Variants in SUDS3 observed in about 807,000 individuals in gnomAD.
SUDS3 encodes the protein sin3 histone deacetylase corepressor complex component SDS3.
A neutral mutation model predicts 53.5 loss-of-function variants in SUDS3; 23 were observed. The observed-to-expected ratio is 0.43, with a 90% CI of 0.31 to 0.61. The LOEUF is 0.61. Ranked by LOEUF, SUDS3 falls within the 20% of genes least tolerant of loss-of-function variation. The probability of loss-of-function intolerance (pLI) is 0.10; values close to 1 mark genes in which losing one functional copy is unlikely to be tolerated. For missense variants in SUDS3, 291 were observed against 405.9 expected (o/e 0.72, Z 2.43); for synonymous variants, 150 against 148.5 (o/e 1.01, Z -0.08).
In SUDS3 at chr12:118,389,803, T is replaced by C. The variant is rs1030337575; in HGVS notation, c.341-124T>C. ...TTCGTGTATATCAACATTTCACTGA[T>C]GAAAACATTTGCTTTGTAACATGCT... On this transcript the variant is annotated intron_variant, in intron 4 of 11. Coordinates refer to ENST00000543473, the MANE Select transcript of SUDS3 (RefSeq NM_022491.3). 2.5e-6 allele frequency: 3 copies of C among 1,178,854 alleles called. No individual in the cohort carries two copies. The African/African-American group carries it at 4.5e-5, about 18-fold the overall frequency. The allele number at this position is 1,178,854 out of a possible 1,614,324, so 73.0% of individuals were successfully genotyped here. A position where few individuals can be genotyped will look rare whatever the true frequency, so the allele number is the denominator to read the frequency against.
rs1168352037 is a variant in SUDS3, at chr12:118,403,438, C to T, written c.724C>T (p.Pro242Ser). 1 of 1,613,642 alleles carries T rather than the reference C, an allele frequency of 6.2e-7. No individual in the cohort carries two copies. The highest frequency in any genetic ancestry group is 1.3e-5 in the African/African-American group (1 of 75,018). Residue 242 changes from proline to serine, a missense_variant, in exon 10 of 12, where the codon CCT becomes TCT. Physicochemically the swap from Pro to Ser is moderately conservative, Grantham distance 74. This residue lies in a region of SUDS3 where 77 missense variants were observed against 87.1 expected (regional missense o/e 0.88). Transcript: ENST00000543473. ...ATCTCCATCCTCTCCTGAGCACTTGCCTGCAACACCCGCGGAATCTCCAGC... is the reference window on the plus strand; with the variant it reads ...ATCTCCATCCTCTCCTGAGCACTTGTCTGCAACACCCGCGGAATCTCCAGC... ...PASPSSPEHL[P>S]ATPAESPAQR...
chr12:118,400,084 G>A (rs766045741), intron 6 of SUDS3, among the ~76,000 whole-genome samples: 31 of 152,002 alleles, frequency 2.0e-4, no homozygotes, highest in Admixed American at 5.9e-4. Flanking sequence ...GAAGAAGAAG[G>A]GAAAGAGGCT....
chr12:118,403,298 G>C (rs768403290), intron 9 of SUDS3, 114 bp from the exon 10 acceptor site: 16 of 804,212 alleles, frequency 2.0e-5, no homozygotes, highest in Non-Finnish European at 3.1e-5. Flanking sequence ...TCACTGTAAG[G>C]GCTCAGTGAT....
At chr12:118,397,560 C>G (rs2046227142) in intron 6 of SUDS3, among the ~76,000 whole-genome samples, 1 of 152,148 alleles carries the variant, frequency 6.6e-6, no homozygotes, top group East Asian at 1.9e-4. Flanking sequence ...TGTTTTCCAC[C>G]TGGGCTATTG....
intron 6 of SUDS3, among the ~76,000 whole-genome samples, chr12:118,394,770 C>T (rs1349894010): frequency 6.6e-6 from 1 of 152,128 alleles, no homozygotes; most frequent in Non-Finnish European, 1.5e-5. Flanking sequence ...CACTGCAGCT[C>T]GACTTCCCAG....
intron 6 of SUDS3, 89 bp downstream of exon 6, chr12:118,391,371 G>A: frequency 1.4e-6 from 2 of 1,452,166 alleles, no homozygotes; most frequent in East Asian, 4.6e-5. Context: ...TACATTTCAA[G>A]AGCAGAGCAA....
intron 6 of SUDS3, among the ~76,000 whole-genome samples, chr12:118,397,060 T>C (rs917345446): frequency 6.6e-6 from 1 of 152,180 alleles, no homozygotes; most frequent in African/African-American, 2.4e-5. Context: ...CAAGTCTGCT[T>C]TAAGTGCTTG....
intron 2 of SUDS3, among the ~76,000 whole-genome samples, chr12:118,382,683 T>A (rs1233828764): frequency 1.4e-5 from 2 of 144,904 alleles, no homozygotes; most frequent in Non-Finnish European, 3.0e-5. Context: ...TTTTTTTTTT[T>A]AAGAGACAGG....
intron 2 of SUDS3, 117 bp from the exon 3 acceptor site, chr12:118,383,894 TC>T: frequency 1.2e-6 from 1 of 854,472 alleles, no homozygotes; most frequent in East Asian, 2.7e-5. Context: ...TTTCCTCTCT[TC>T]CCTGAAGGAC....
chr12:118,410,134 G>C (rs1172978897), intron 10 of SUDS3, among the ~76,000 whole-genome samples: 1 of 152,232 alleles, frequency 6.6e-6, no homozygotes, highest in African/African-American at 2.4e-5. Flanking sequence ...GAATCTCTGT[G>C]ATAGTGGAGA....
intron 4 of SUDS3, among the ~76,000 whole-genome samples, chr12:118,388,673 C>T (rs549089125): frequency 6.6e-6 from 1 of 152,222 alleles, no homozygotes; most frequent in South Asian, 2.1e-4. Context: ...CAGGAGGGGG[C>T]TGCATTCAGT....
chr12:118,383,849 T>C (rs1317299564), intron 2 of SUDS3, among the ~76,000 whole-genome samples, 163 bp from the exon 3 acceptor site: 1 of 152,254 alleles, frequency 6.6e-6, no homozygotes, highest in Non-Finnish European at 1.5e-5. Context: ...TCCCTGTGGC[T>C]GCTGGTGCAT....
At chr12:118,387,508 G>T (rs2046125575) in intron 4 of SUDS3, among the ~76,000 whole-genome samples, 2 of 151,966 alleles carry the variant, frequency 1.3e-5, no homozygotes, top group Non-Finnish European at 2.9e-5. Flanking sequence ...TGAGTATTGA[G>T]TTGTTTTTCT....
intron 10 of SUDS3, among the ~76,000 whole-genome samples, chr12:118,409,149 C>CT (rs559836882): frequency 0.032 from 4,452 of 140,044 alleles, 171 homozygotes; most frequent in African/African-American, 0.092. Context: ...ATTTAAAATT[C>CT]TTTTTTTTTT....
chr12:118,382,603 G>A (rs61943391), intron 2 of SUDS3, among the ~76,000 whole-genome samples: 19,000 of 151,466 alleles, frequency 0.13, 1,339 homozygotes, highest in Middle Eastern at 0.19. Flanking sequence ...CTGAGCTCAA[G>A]CATTCCTCCT....
chr12:118,414,308 T>G, intron 11 of SUDS3, 27 bp from the exon 12 acceptor site: 1 of 1,539,476 alleles, frequency 6.5e-7, no homozygotes, highest in Non-Finnish European at 8.8e-7. Context: ...TAACTTTTCA[T>G]CTTGTTCCCT....
intron 4 of SUDS3, among the ~76,000 whole-genome samples, chr12:118,386,668 G>A (rs1330101223): frequency 6.6e-6 from 1 of 152,070 alleles, no homozygotes; most frequent in Non-Finnish European, 1.5e-5. Flanking sequence ...TACAGTAAAT[G>A]TATTCATTCA....
At chr12:118,376,964 C>T in intron 1 of SUDS3, 131 bp downstream of exon 1, 12 of 1,202,206 alleles carry the variant, frequency 1.0e-5, no homozygotes, top group Non-Finnish European at 1.3e-5. Context: ...CCGGGAGTTG[C>T]GGGGCTCGGG....
chr12:118,382,704 G>A (rs1474579365), intron 2 of SUDS3, among the ~76,000 whole-genome samples: 1 of 145,614 alleles, frequency 6.9e-6, no homozygotes, highest in Non-Finnish European at 1.5e-5. Flanking sequence ...GTCTTGCTCT[G>A]TCGCCCAGGC....
Sources: gnomAD v4.1 joint callset for allele counts (sites outside exome capture counted in the v4.1 genomes callset) on GRCh38, gnomAD v4.1.1 for gene constraint, gnomAD v4.1.1 regional missense constraint, MANE v1.5 for transcripts, NCBI Gene and HGNC (gene_info 2026-07-23, HGNC 2026-07-21) for gene names.